AOPEP: variants seen among roughly 807,000 people sequenced by gnomAD.
AOPEP encodes aminopeptidase O.
Under a neutral mutation model 98.1 loss-of-function variants are expected in AOPEP, and 77 were observed. The ratio of observed to expected loss-of-function variants is 0.78; its 90% CI spans 0.65 to 0.95. The LOEUF is 0.95. AOPEP is among the 40% of genes least tolerant of loss of function. The pLI is 0.00. For missense variants in AOPEP, 1,024 were observed against 1,024.7 expected, an observed-to-expected ratio of 1.00 and a Z score of 0.01; for synonymous variants, 346 against 365.3, an observed-to-expected ratio of 0.95 and a Z score of 0.60.
At chr9:95,006,163 CT>C in intron 13 of AOPEP, 1 of 457,620 alleles carries the variant, frequency 2.2e-6, no homozygotes, top group Non-Finnish European at 4.5e-6. Flanking sequence ...GACTGCCTGT[CT>C]TTTGATTTTG....
At chr9:94,845,706 A>G (rs113898147) in intron 5 of AOPEP, among the ~76,000 whole-genome samples, 34 of 152,288 alleles carry the variant, frequency 2.2e-4, no homozygotes, top group African/African-American at 7.5e-4. Context: ...AAAAGAGGTC[A>G]AGAACAATTT....
rs552292901 is a variant in AOPEP at position 94,945,435 on chromosome 9, C to T, written c.1662-9742C>T. 3.9e-5 allele frequency among the ~76,000 whole-genome samples: 6 copies of T among 152,258 alleles called. No individual in the cohort carries two copies. In the East Asian group the frequency reaches 1.2e-3, roughly 29 times the overall value. ...CAATGCTATGGTGAATGGTCTCACA[C>T]TTACTGTTAGATGCACTGCATGTGA... On this transcript the variant is annotated intron_variant, in intron 7 of 16. Coordinates refer to ENST00000375315, the MANE Select transcript of AOPEP (RefSeq NM_001193329.3).
chr9:94,855,149 C>T (rs1248052543), intron 5 of AOPEP, among the ~76,000 whole-genome samples: 1 of 152,106 alleles, frequency 6.6e-6, no homozygotes, highest in Non-Finnish European at 1.5e-5. Context: ...ATAATCTCGG[C>T]TCACCACAAC....
intron 3 of AOPEP, among the ~76,000 whole-genome samples, chr9:94,774,311 C>CAAAAA (rs34936539): frequency 1.2e-4 from 8 of 67,808 alleles, no homozygotes; most frequent in South Asian, 5.5e-4. Context: ...GACTCCATCT[C>CAAAAA]AAAAAAAAAA....
chr9:94,728,239 G>GCGCGCGCACACACACACACACA (rs113657409), intron 1 of AOPEP, among the ~76,000 whole-genome samples: 1 of 146,512 alleles, frequency 6.8e-6, no homozygotes, highest in East Asian at 2.0e-4. Flanking sequence ...GTGCGCGCAT[G>GCGCGCGCACACACACACACACA]CACACACACA....
chr9:95,094,396 T>C, the AOPEP span, among the ~76,000 whole-genome samples: 1 of 152,252 alleles, frequency 6.6e-6, no homozygotes, highest in East Asian at 1.9e-4. Context: ...AGCCTCGGTG[T>C]CTTCATTGTT....
chr9:95,081,667 A>C (rs2069800323), intron 15 of AOPEP, among the ~76,000 whole-genome samples: 1 of 152,216 alleles, frequency 6.6e-6, no homozygotes, highest in Admixed American at 6.5e-5. Context: ...CAGGAGTATA[A>C]GAAGGACAAA....
chr9:95,142,702 G>T, the AOPEP span, among the ~76,000 whole-genome samples: 1 of 152,138 alleles, frequency 6.6e-6, no homozygotes, highest in African/African-American at 2.4e-5. Context: ...TTAACTCTCA[G>T]AAGTGGCATG....
intron 11 of AOPEP, among the ~76,000 whole-genome samples, chr9:94,983,003 C>T (rs1452884967): frequency 1.3e-5 from 2 of 151,920 alleles, no homozygotes; most frequent in Admixed American, 6.6e-5. Flanking sequence ...TACAGAACTG[C>T]GCTTTTGTTT....
At chr9:95,060,637 G>T in intron 13 of AOPEP, 57 bp from the exon 14 acceptor site, 2 of 1,108,356 alleles carry the variant, frequency 1.8e-6, no homozygotes, top group Non-Finnish European at 2.8e-6. Flanking sequence ...GAACATTTGG[G>T]TGTTGTTTCT....
downstream of AOPEP, among the ~76,000 whole-genome samples, chr9:95,091,808 G>A (rs2070870868): frequency 6.6e-6 from 1 of 152,164 alleles, no homozygotes; most frequent in Admixed American, 6.5e-5. Context: ...AGCCTGGGGT[G>A]GAAGGAAACC....
intron 5 of AOPEP, among the ~76,000 whole-genome samples, chr9:94,883,705 C>T (rs927098337): frequency 6.6e-6 from 1 of 152,160 alleles, no homozygotes; most frequent in Non-Finnish European, 1.5e-5. Flanking sequence ...GAATAAGTAC[C>T]TCTAAGTATC....
chr9:94,764,023 A>T (rs1839003871), intron 2 of AOPEP, among the ~76,000 whole-genome samples: 1 of 152,230 alleles, frequency 6.6e-6, no homozygotes, highest in African/African-American at 2.4e-5. Flanking sequence ...GCCGAAGAGA[A>T]CAGAATGGAA....
chr9:95,055,796 C>T (rs1170058499), intron 13 of AOPEP, among the ~76,000 whole-genome samples: 1 of 152,228 alleles, frequency 6.6e-6, no homozygotes, highest in East Asian at 1.9e-4. Flanking sequence ...CGAAGGCCGC[C>T]TGCATGTGAC....
intron 13 of AOPEP, among the ~76,000 whole-genome samples, chr9:95,015,538 G>T (rs1276452359): frequency 1.3e-5 from 2 of 152,324 alleles, no homozygotes; most frequent in Non-Finnish European, 2.9e-5. Flanking sequence ...GAATAGAATA[G>T]TTTATAGTTA....
chr9:94,892,272 T>G (rs2048961341), intron 5 of AOPEP, among the ~76,000 whole-genome samples: 1 of 152,196 alleles, frequency 6.6e-6, no homozygotes, highest in African/African-American at 2.4e-5. Flanking sequence ...CTCCTCTCTT[T>G]CTGAGACCTT....
intron 5 of AOPEP, among the ~76,000 whole-genome samples, chr9:94,874,830 T>C (rs2046737157): frequency 1.3e-5 from 2 of 152,222 alleles, no homozygotes; most frequent in African/African-American, 4.8e-5. Context: ...AGCCTTAAAT[T>C]ATTCCAAGAT....
Position 94,955,939 on chromosome 9 carries a change from G to C in AOPEP, c.1796G>C (p.Arg599Thr). Residue 599 changes from arginine (R) to threonine (T), a missense_variant, in exon 9 of 17, where the codon AGA becomes ACA. Transcript: ENST00000375315. ...TTCCTTCTTCGGTTTCTTGCCAAAA[G>C]ACTTGGAGATGAAACCTATTTTTCA... ...GYFLLRFLAKRLGDETYFSFL... is the reference protein window; with the variant it reads ...GYFLLRFLAKTLGDETYFSFL... 1 of 1,612,982 alleles carries C rather than the reference G, an allele frequency of 6.2e-7. No individual in the cohort carries two copies. Among genetic ancestry groups the C allele is most frequent in the Non-Finnish European group, 8.5e-7 (1 of 1,179,736 alleles).
At chr9:94,773,236 G>A in intron 3 of AOPEP, 68 bp downstream of exon 3, 1 of 1,386,172 alleles carries the variant, frequency 7.2e-7, no homozygotes, top group Non-Finnish European at 9.8e-7. Flanking sequence ...CCAATAAACA[G>A]TATTTTTCTA....
Sources: allele counts gnomAD v4.1 joint callset (sites outside exome capture counted in the v4.1 genomes callset), GRCh38; gene constraint gnomAD v4.1.1; transcripts MANE v1.5; gene names NCBI Gene and HGNC (gene_info 2026-07-23, HGNC 2026-07-21).